HMGCLL1: variants seen among roughly 807,000 people sequenced by gnomAD.
The protein encoded by HMGCLL1 is 3-hydroxymethyl-3-methylglutaryl-CoA lyase, cytoplasmic.
Under a neutral mutation model 39.1 loss-of-function variants are expected in HMGCLL1, and 36 were observed. The ratio of observed to expected loss-of-function variants is 0.92; its 90% CI spans 0.71 to 1.22. The LOEUF (loss-of-function observed/expected upper bound fraction) is 1.22. Ranked by LOEUF, HMGCLL1 falls within the 50% of genes most tolerant of loss-of-function variation. The probability of loss-of-function intolerance (pLI) is 0.00; values close to 1 mark genes in which losing one functional copy is unlikely to be tolerated. For synonymous variants in HMGCLL1, 149 were observed against 144.0 expected, an observed-to-expected ratio of 1.03 and a Z score of -0.25; for missense variants, 451 against 416.5, an observed-to-expected ratio of 1.08 and a Z score of -0.72.
chr6:55,518,219 G>T (rs537925216), intron 3 of HMGCLL1, among the ~76,000 whole-genome samples: 2 of 151,806 alleles, frequency 1.3e-5, no homozygotes, highest in South Asian at 4.2e-4. Flanking sequence ...TAGTTGGGGA[G>T]ACAAAACAGA....
chr6:55,627,866 AC>A, the HMGCLL1 span, among the ~76,000 whole-genome samples: 1 of 75,176 alleles, frequency 1.3e-5, no homozygotes, highest in African/African-American at 5.0e-5. Context: ...GTAAGTTAAT[AC>A]TTAATAAACT....
intron 7 of HMGCLL1, among the ~76,000 whole-genome samples, chr6:55,480,632 G>A (rs1401070900): frequency 6.6e-6 from 1 of 151,636 alleles, no homozygotes; most frequent in Non-Finnish European, 1.5e-5. Flanking sequence ...CCACTGCTAT[G>A]TGTATATTCA....
chr6:55,579,166 TG>T lies in HMGCLL1; in HGVS notation c.-112del. On this transcript the variant is annotated 5_prime_UTR_variant, in exon 1 of 9. Transcript: ENST00000274901. ...TCGGGAGCGCGCCCCTCCGGTGCACTGGCTGTGAGGACCAGAGCTGTTCTGC... is the reference window on the plus strand; with the variant it reads ...TCGGGAGCGCGCCCCTCCGGTGCACTGCTGTGAGGACCAGAGCTGTTCTGC... 1 of 787,684 alleles carries T rather than the reference TG, an allele frequency of 1.3e-6. No homozygotes were observed. Among genetic ancestry groups the T allele is most frequent in the Non-Finnish European group, 2.1e-6 (1 of 470,080 alleles). The allele number at this position is 787,684 out of a possible 1,614,324, so 48.8% of individuals were successfully genotyped here. A position where few individuals can be genotyped will look rare whatever the true frequency, so the allele number is the denominator to read the frequency against.
At chr6:55,594,157 A>T in the HMGCLL1 span, among the ~76,000 whole-genome samples, 4 of 152,348 alleles carry the variant, frequency 2.6e-5, no homozygotes, top group African/African-American at 9.6e-5. Context: ...TATCTTATAA[A>T]GAAGTGAATT....
At chr6:55,525,812 T>C (rs1249451752) in intron 3 of HMGCLL1, among the ~76,000 whole-genome samples, 1 of 151,992 alleles carries the variant, frequency 6.6e-6, no homozygotes, top group Non-Finnish European at 1.5e-5. Context: ...TAGAAAAGTC[T>C]GCAACTCCTC....
At chr6:55,565,913 T>TTTAAATTTTTTAGAGTTAAA (rs1771188248) in intron 1 of HMGCLL1, among the ~76,000 whole-genome samples, 2 of 149,344 alleles carry the variant, frequency 1.3e-5, no homozygotes, top group African/African-American at 5.1e-5. Flanking sequence ...TAAATTACTC[T>TTTAAATTTTTTAGAGTTAAA]CAGCTTTAAC....
chr6:55,464,572 T>C lies in HMGCLL1; in HGVS notation c.796-25013A>G, dbSNP rs562820574. On this transcript the variant is annotated intron_variant, in intron 7 of 8. Coordinates refer to ENST00000274901, the MANE Select transcript of HMGCLL1 (RefSeq NM_001042406.2). ...GATTCAGTTTCATTCAGATTAATAA[T>C]CTACTCAAGATTAATGATTAAACAA... Among the ~76,000 whole-genome samples the C allele has an allele frequency of 5.3e-5, 8 of 149,608 alleles. No individual in the cohort carries two copies. In the South Asian group the frequency reaches 1.5e-3, roughly 28 times the overall value.
intron 7 of HMGCLL1, among the ~76,000 whole-genome samples, chr6:55,486,598 C>T (rs1209640473): frequency 6.6e-6 from 1 of 152,062 alleles, no homozygotes; most frequent in Non-Finnish European, 1.5e-5. Flanking sequence ...CAAACTTGCA[C>T]CCTTAGAGTC....
At chr6:55,550,375 G>GC (rs1340662079) in intron 1 of HMGCLL1, among the ~76,000 whole-genome samples, 2 of 151,772 alleles carry the variant, frequency 1.3e-5, no homozygotes, top group Non-Finnish European at 2.9e-5. Context: ...CCAAGGTCAT[G>GC]CCCCCATCCT....
chr6:55,507,572 A>T (rs1360440580), intron 5 of HMGCLL1, among the ~76,000 whole-genome samples: 3 of 151,820 alleles, frequency 2.0e-5, no homozygotes, highest in African/African-American at 7.2e-5. Flanking sequence ...AAATAGCATG[A>T]TTATGTACAA....
the HMGCLL1 span, among the ~76,000 whole-genome samples, chr6:55,637,016 C>A: frequency 6.6e-6 from 1 of 151,956 alleles, no homozygotes; most frequent in Non-Finnish European, 1.5e-5. Context: ...TGAAGATTGC[C>A]TTTTTAAAGA....
rs185160128 is a variant in HMGCLL1, at chr6:55,568,917, G to A, written c.108+10031C>T. Among the ~76,000 whole-genome samples the A allele has an allele frequency of 2.4e-3, 371 of 151,968 alleles. 1 individual carries two copies. Among genetic ancestry groups the A allele is most frequent in the African/African-American group, 8.3e-3 (346 of 41,454 alleles). ...AGGGGATAGACACAGAAAGAAGAAA[G>A]GGTCAGGGAAAGTTACAGCACAGAG... is the stretch of plus-strand genomic sequence containing the variant. On this transcript the variant is annotated intron_variant, in intron 1 of 8. Coordinates refer to ENST00000274901, the MANE Select transcript of HMGCLL1 (RefSeq NM_001042406.2).
chr6:55,648,219 G>A, the HMGCLL1 span, among the ~76,000 whole-genome samples: 152 of 148,954 alleles, frequency 1.0e-3, 1 homozygote, highest in South Asian at 5.1e-3. Flanking sequence ...GAATAGTGCC[G>A]CAATAAACAT....
chr6:55,435,248 A>G lies in HMGCLL1; in HGVS notation c.*414T>C, dbSNP rs1169169588. Reference sequence around the variant, plus strand: ...TCCAGAGGCATAATGTATAATATTGAGGCCACACACTCTGCATACTATGCA... The same window carrying G: ...TCCAGAGGCATAATGTATAATATTGGGGCCACACACTCTGCATACTATGCA... On this transcript the variant is annotated 3_prime_UTR_variant, in exon 9 of 9. Transcript: ENST00000274901. 1 of 154,210 alleles carries G rather than the reference A, an allele frequency of 6.5e-6. No individual in the cohort carries two copies. The highest frequency in any genetic ancestry group is 6.5e-5 in the Admixed American group (1 of 15,444). 9.6% of individuals were successfully genotyped at this position (154,210 alleles called of 1,614,324 possible). A position where few individuals can be genotyped will look rare whatever the true frequency, so the allele number is the denominator to read the frequency against.
the HMGCLL1 span, among the ~76,000 whole-genome samples, chr6:55,649,869 G>A: frequency 6.6e-6 from 1 of 151,038 alleles, no homozygotes; most frequent in Non-Finnish European, 1.5e-5. Flanking sequence ...CTGCTCTTCA[G>A]AGATACTGAT....
chr6:55,551,652 AC>A (rs1770334194), intron 1 of HMGCLL1, among the ~76,000 whole-genome samples: 1 of 151,914 alleles, frequency 6.6e-6, no homozygotes. Context: ...CTCATCAGCA[AC>A]CCCCTCTAAT....
At chr6:55,619,042 A>C in the HMGCLL1 span, among the ~76,000 whole-genome samples, 36 of 152,120 alleles carry the variant, frequency 2.4e-4, no homozygotes, top group Non-Finnish European at 4.1e-4. Context: ...ATTTCAGGAA[A>C]CAATGGACCC....
the HMGCLL1 span, among the ~76,000 whole-genome samples, chr6:55,592,143 A>C: frequency 6.6e-6 from 1 of 152,008 alleles, no homozygotes; most frequent in Non-Finnish European, 1.5e-5. Flanking sequence ...ATGGGACAAC[A>C]GGCCTAAAGC....
intron 7 of HMGCLL1, among the ~76,000 whole-genome samples, chr6:55,481,691 A>G (rs1765754972): frequency 6.6e-6 from 1 of 152,000 alleles, no homozygotes; most frequent in African/African-American, 2.4e-5. Context: ...TTGTCATGCA[A>G]AAAAAACTTT....
Sources: gnomAD v4.1 joint callset for allele counts (sites outside exome capture counted in the v4.1 genomes callset) on GRCh38, gnomAD v4.1.1 for gene constraint, MANE v1.5 for transcripts, NCBI Gene and HGNC (gene_info 2026-07-23, HGNC 2026-07-21) for gene names.